The following MFSD8 variants were observed in gnomAD, a reference collection of about 807,000 sequenced individuals.
MFSD8 encodes the protein major facilitator superfamily domain-containing protein 8.
MFSD8 carries 55 observed loss-of-function variants against 66.4 expected under a neutral mutation model. The ratio of observed to expected loss-of-function variants is 0.83; its 90% CI spans 0.67 to 1.04. The LOEUF is 1.04. Among genes scored for constraint, MFSD8 ranks in the 50% least tolerant of loss-of-function variants. MFSD8 has a pLI of 0.00. For synonymous variants in MFSD8, 202 were observed against 212.8 expected, an observed-to-expected ratio of 0.95 and a Z score of 0.44; for missense variants, 550 against 627.6, an observed-to-expected ratio of 0.88 and a Z score of 1.32.
intron 1 of MFSD8, among the ~76,000 whole-genome samples, chr4:127,961,154 G>C (rs1156486348): frequency 6.6e-6 from 1 of 152,136 alleles, no homozygotes; most frequent in Non-Finnish European, 1.5e-5. Flanking sequence ...AGTTGGTGGT[G>C]ACCTAGACAT....
chr4:127,965,145 C>G lies in MFSD8; in HGVS notation c.-12G>C. The G allele has an allele frequency of 6.2e-7, 1 of 1,613,902 alleles. No homozygotes were observed. On this transcript the variant is annotated 5_prime_UTR_variant, in exon 1 of 12. Coordinates refer to ENST00000641686, the MANE Select transcript of MFSD8 (RefSeq NM_001371596.2). Reference sequence around the variant, plus strand: ...CGCAGGCCGGCCATAGTTACACTCCCTACAAGGCGTCTTGCGCCCAACTCT... The same window carrying G: ...CGCAGGCCGGCCATAGTTACACTCCGTACAAGGCGTCTTGCGCCCAACTCT...
chr4:127,932,831 A>G (rs1341804524), intron 8 of MFSD8, 154 bp downstream of exon 8: 19 of 586,428 alleles, frequency 3.2e-5, no homozygotes, highest in Non-Finnish European at 5.1e-5. Context: ...TTCAAGTTAC[A>G]AGCAACAAAA....
At chr4:127,964,710 T>G in intron 1 of MFSD8, 1 of 381,720 alleles carries the variant, frequency 2.6e-6, no homozygotes, top group Non-Finnish European at 5.0e-6. Context: ...GCTGAAGGGC[T>G]CCTCAAGTGC....
At chr4:127,965,418 C>A, upstream of MFSD8, 1 of 561,520 alleles carries the variant, frequency 1.8e-6, no homozygotes, top group Non-Finnish European at 3.2e-6. Context: ...ACTGCCGCGC[C>A]GCCCTGCTCC....
upstream of MFSD8, chr4:127,965,283 C>A: frequency 1.0e-6 from 1 of 952,552 alleles, no homozygotes; most frequent in Non-Finnish European, 1.6e-6. Flanking sequence ...AGGTCATAGG[C>A]GGGGTCACGC....
At chr4:127,956,097 C>A (rs1471373126) in intron 2 of MFSD8, among the ~76,000 whole-genome samples, 1 of 151,884 alleles carries the variant, frequency 6.6e-6, no homozygotes, top group Non-Finnish European at 1.5e-5. Flanking sequence ...CCAGCCTGGG[C>A]GACTCCACCT....
chr4:127,956,675 A>C (rs963789875), intron 2 of MFSD8, among the ~76,000 whole-genome samples: 9 of 151,734 alleles, frequency 5.9e-5, no homozygotes, highest in African/African-American at 2.2e-4. Context: ...AAAATTAGCC[A>C]GGGGTGGTGG....
At chr4:127,928,059 T>C (rs1325056172) in intron 9 of MFSD8, among the ~76,000 whole-genome samples, 1 of 152,058 alleles carries the variant, frequency 6.6e-6, no homozygotes, top group Non-Finnish European at 1.5e-5. Context: ...TATTTATTTA[T>C]TTATTTTGAG....
At chr4:127,965,379 G>A, upstream of MFSD8, 1 of 593,662 alleles carries the variant, frequency 1.7e-6, no homozygotes. Flanking sequence ...CGGGGACTGA[G>A]AGCCCAGGAG....
At chr4:127,936,218 A>T (rs895824449) in intron 7 of MFSD8, among the ~76,000 whole-genome samples, 5 of 151,968 alleles carry the variant, frequency 3.3e-5, no homozygotes, top group African/African-American at 1.2e-4. Flanking sequence ...GGTTCAAGCG[A>T]TTCTCCTGCC....
chr4:127,965,196 G>C, upstream of MFSD8: 1 of 1,600,622 alleles, frequency 6.2e-7, no homozygotes, highest in Non-Finnish European at 8.5e-7. Flanking sequence ...CTCCCATCCC[G>C]GGTGGCGTGA....
rs1736371943 is a variant in MFSD8 at position 127,921,778 on chromosome 4, AAAC to A, written c.1103-10_1103-8del. On this transcript the variant is annotated splice_polypyrimidine_tract_variant and splice_region_variant and intron_variant, in intron 10 of 11. Coordinates refer to ENST00000641686, the MANE Select transcript of MFSD8 (RefSeq NM_001371596.2). ...ATTGAATTATTGTGCAAATCTGTAA[AAAC>A]AAAACCATTGCAGTGCATTACTTGT... 6.2e-7 allele frequency: 1 copy of A among 1,614,162 alleles called. No homozygotes were observed. The highest frequency in any genetic ancestry group is 8.5e-7 in the Non-Finnish European group (1 of 1,180,026).
chr4:127,957,640 T>C, intron 1 of MFSD8, 48 bp from the exon 2 acceptor site: 1 of 1,289,054 alleles, frequency 7.8e-7, no homozygotes, highest in Non-Finnish European at 1.1e-6. Context: ...TCATTACATG[T>C]GGATCTTAAG....
intron 9 of MFSD8, among the ~76,000 whole-genome samples, chr4:127,924,121 C>T (rs1456425708): frequency 6.6e-6 from 1 of 152,050 alleles, no homozygotes; most frequent in Admixed American, 6.6e-5. Flanking sequence ...CTATCTGGTC[C>T]TGGGCTTTTT....
Position 127,942,086 on chromosome 4 carries a change from T to G in MFSD8, c.512A>C (p.Asn171Thr). The change falls in exon 5 of 12, where the codon AAC (asparagine) becomes ACC (threonine). Residue 171 changes from asparagine to threonine, a missense_variant. Physicochemically the swap from Asn to Thr is moderately conservative, Grantham distance 65. Coordinates refer to ENST00000641686, the MANE Select transcript of MFSD8 (RefSeq NM_001371596.2). ...ACCTAATGCTTGACACATGCTTATG[T>G]TTGCCATGGAACTTGTTCTTTCCTG... The part of the protein sequence containing the change: ...SLQERTSSMA[N>T]ISMCQALGFI... The G allele has an allele frequency of 1.1e-5, 17 of 1,614,084 alleles. No individual in the cohort carries two copies. The highest frequency in any genetic ancestry group is 1.4e-5 in the Non-Finnish European group (17 of 1,179,968).
chr4:127,932,976 A>G lies in MFSD8; in HGVS notation c.863+9T>C, dbSNP rs201046915. On this transcript the variant is annotated intron_variant, in intron 8 of 11. Coordinates refer to ENST00000641686, the MANE Select transcript of MFSD8 (RefSeq NM_001371596.2). ...AATCTGATTCAGATGAAGATGGAATAAAACTTACGTTTCAAAAAGGGCAAA... is the reference window on the plus strand; with the variant it reads ...AATCTGATTCAGATGAAGATGGAATGAAACTTACGTTTCAAAAAGGGCAAA... The G allele has an allele frequency of 1.9e-6, 3 of 1,598,196 alleles. No individual in the cohort carries two copies. In the African/African-American group the frequency reaches 4.0e-5, roughly 21 times the overall value.
intron 1 of MFSD8, among the ~76,000 whole-genome samples, chr4:127,962,274 C>A (rs1191588981): frequency 6.6e-6 from 1 of 152,098 alleles, no homozygotes; most frequent in Non-Finnish European, 1.5e-5. Flanking sequence ...TCCAGATCAG[C>A]CTGGCCACCT....
At chr4:127,951,642 G>T (rs1741983045) in intron 2 of MFSD8, among the ~76,000 whole-genome samples, 1 of 151,620 alleles carries the variant, frequency 6.6e-6, no homozygotes, top group African/African-American at 2.4e-5. Context: ...AATGTACTTT[G>T]TTTGTACTCT....
At chr4:127,937,050 T>A (rs1162755684) in intron 7 of MFSD8, among the ~76,000 whole-genome samples, 1 of 152,242 alleles carries the variant, frequency 6.6e-6, no homozygotes, top group East Asian at 1.9e-4. Context: ...TTCTTTGTGT[T>A]TTATTTTGAA....
Sources: allele counts gnomAD v4.1 joint callset (sites outside exome capture counted in the v4.1 genomes callset), GRCh38; gene constraint gnomAD v4.1.1; transcripts MANE v1.5; gene names NCBI Gene and HGNC (gene_info 2026-07-23, HGNC 2026-07-21).